TRPC5OS: variants seen among roughly 807,000 people sequenced by gnomAD.
TRPC5OS encodes the protein TRPC5 opposite strand, also known as putative uncharacterized protein TRPC5OS.
For missense variants in TRPC5OS, 64 were observed against 79.3 expected (o/e 0.81, Z 0.73); for synonymous variants, 30 against 29.3 (o/e 1.02, Z -0.08).
rs753735549 is a variant in TRPC5OS, at chrX:111,888,693, CAAAAA to C, written c.-545-7236_-545-7232del. On this transcript the variant is annotated intron_variant, in intron 1 of 3. Coordinates refer to ENST00000635763, the MANE Select transcript of TRPC5OS (RefSeq NM_001195578.2). ...TGGGTGACAGAGCGAGACTCTATCT[CAAAAA>C]AAAAAAAAAAAAAAAAAAAAAGAAA... Among the ~76,000 whole-genome samples, 6 of 10,983 alleles carry C rather than the reference CAAAAA, an allele frequency of 5.5e-4. No individual in the cohort carries two copies. In the East Asian group the frequency reaches 0.014, roughly 26 times the overall value. 9.5% of individuals were successfully genotyped at this position (10,983 alleles called of 115,157 possible). A position where few individuals can be genotyped will look rare whatever the true frequency, so the allele number is the denominator to read the frequency against.
chrX:111,901,853 G>T lies in TRPC5OS; in HGVS notation c.4G>T (p.Asp2Tyr), dbSNP rs1292087259. The change falls in exon 4 of 4, where the codon GAT becomes TAT. Residue 2 changes from aspartate (D) to tyrosine (Y), a missense_variant. Coordinates refer to ENST00000635763, the MANE Select transcript of TRPC5OS (RefSeq NM_001195578.2). M[D>Y]SVLIHVLIDG... ...CTATTTAGAAGAGCACTGCAGCATG[G>T]ATTCTGTGTTAATTCATGTACTCAT... is the stretch of plus-strand genomic sequence containing the variant. 1 of 1,129,281 alleles carries T rather than the reference G, an allele frequency of 8.9e-7. No individual in the cohort carries two copies. The highest frequency in any genetic ancestry group is 3.3e-5 in the East Asian group (1 of 30,570). 93.1% of individuals were successfully genotyped at this position (1,129,281 alleles called of 1,213,427 possible).
chrX:111,879,081 G>T (rs1202188574), intron 1 of TRPC5OS, among the ~76,000 whole-genome samples: 1 of 112,152 alleles, frequency 8.9e-6, no homozygotes. Context: ...AATAAGGGAA[G>T]TATTTATGAA....
chrX:111,888,693 C>CA (rs753735549), intron 1 of TRPC5OS, among the ~76,000 whole-genome samples: 795 of 10,722 alleles, frequency 0.074, 39 homozygotes, highest in East Asian at 0.12. Flanking sequence ...GACTCTATCT[C>CA]AAAAAAAAAA....
chrX:111,903,167 T>C lies in TRPC5OS; in HGVS notation c.*982T>C, dbSNP rs1925440373. 8.9e-6 allele frequency: 1 copy of C among 111,846 alleles called. No individual in the cohort carries two copies. Among genetic ancestry groups the C allele is most frequent in the Non-Finnish European group, 1.9e-5 (1 of 53,098 alleles). The allele number at this position is 111,846 out of a possible 1,213,427, so 9.2% of individuals were successfully genotyped here. ...GATAAGATATATTCCAGTGTTTGCT[T>C]TGATTCTGTAATTTTATGTGCTTAA... On this transcript the variant is annotated 3_prime_UTR_variant, in exon 4 of 4. Transcript: ENST00000635763.
intron 1 of TRPC5OS, among the ~76,000 whole-genome samples, chrX:111,878,115 G>T (rs965057310): frequency 1.8e-5 from 2 of 110,613 alleles, no homozygotes; most frequent in African/African-American, 3.3e-5. Context: ...TCAAACATCA[G>T]CTCAAGATCC....
rs909989859 is a variant in TRPC5OS at position 111,903,964 on chromosome X, T to C, written c.*1779T>C. 1 of 112,411 alleles carries C rather than the reference T, an allele frequency of 8.9e-6. No individual in the cohort carries two copies. Among genetic ancestry groups the C allele is most frequent in the African/African-American group, 3.2e-5 (1 of 30,983 alleles). The allele number at this position is 112,411 out of a possible 1,213,427, so 9.3% of individuals were successfully genotyped here. ...TTTTCTTTCAAGAGATTTTAACTAA[T>C]AAACTTTCATTCACAAATCAAAAAA... On this transcript the variant is annotated 3_prime_UTR_variant, in exon 4 of 4. Coordinates refer to ENST00000635763, the MANE Select transcript of TRPC5OS (RefSeq NM_001195578.2).
chrX:111,899,922 C>T (rs1368023668), intron 3 of TRPC5OS, among the ~76,000 whole-genome samples: 1 of 111,096 alleles, frequency 9.0e-6, no homozygotes, highest in Admixed American at 9.6e-5. Flanking sequence ...AAAATTGCCT[C>T]CAACAAAATC....
intron 1 of TRPC5OS, among the ~76,000 whole-genome samples, chrX:111,879,970 C>T (rs922110531): frequency 9.0e-6 from 1 of 110,983 alleles, no homozygotes; most frequent in African/African-American, 3.3e-5. Context: ...AAGGAAGAAC[C>T]GAAGACCAAA....
At chrX:111,882,037 T>C (rs1198803167) in intron 1 of TRPC5OS, 1 of 109,116 alleles carries the variant, frequency 9.2e-6, no homozygotes, top group Non-Finnish European at 1.9e-5. Context: ...AGATCTCTCT[T>C]CTAAACTGCC....
At chrX:111,889,464 A>G (rs1269231073) in intron 1 of TRPC5OS, among the ~76,000 whole-genome samples, 2 of 112,526 alleles carry the variant, frequency 1.8e-5, no homozygotes, top group Non-Finnish European at 3.8e-5. Context: ...AAGAAATCCT[A>G]TAAGGAAAAC....
intron 1 of TRPC5OS, among the ~76,000 whole-genome samples, chrX:111,888,683 G>T (rs1292662223): frequency 3.0e-5 from 2 of 66,674 alleles, no homozygotes; most frequent in Admixed American, 4.8e-4. Context: ...GACAGAGCGA[G>T]ACTCTATCTC....
At chrX:111,886,211 T>C (rs12007235) in intron 1 of TRPC5OS, among the ~76,000 whole-genome samples, 15,109 of 111,235 alleles carry the variant, frequency 0.14, 2,405 homozygotes, top group African/African-American at 0.46. Context: ...ACCCCGGAGG[T>C]GGAGGTTGCA....
chrX:111,901,767 C>G lies in TRPC5OS; in HGVS notation c.-83C>G. 1.3e-6 allele frequency: 1 copy of G among 751,520 alleles called. No homozygotes were observed. Among genetic ancestry groups the G allele is most frequent in the Non-Finnish European group, 1.8e-6 (1 of 544,980 alleles). 61.9% of individuals were successfully genotyped at this position (751,520 alleles called of 1,213,427 possible). ...AAACCAACCACAGAACCATTGTTAG[C>G]CCCTTATACTATCCATTGTCACCAA... On this transcript the variant is annotated 5_prime_UTR_variant, in exon 4 of 4. Coordinates refer to ENST00000635763, the MANE Select transcript of TRPC5OS (RefSeq NM_001195578.2).
rs888380235 is a variant in TRPC5OS at position 111,887,698 on chromosome X, C to A, written c.-545-8253C>A. Among the ~76,000 whole-genome samples the A allele has an allele frequency of 4.5e-5, 5 of 111,757 alleles. No individual in the cohort carries two copies. In the Admixed American group the frequency reaches 4.7e-4, roughly 11 times the overall value. ...GTAATTAAGATGATTAAATGGGATA[C>A]CATGTGAAAGCACTAGAAACATAAA... On this transcript the variant is annotated intron_variant, in intron 1 of 3. Coordinates refer to ENST00000635763, the MANE Select transcript of TRPC5OS (RefSeq NM_001195578.2).
chrX:111,891,412 T>G (rs1201903606), intron 1 of TRPC5OS, among the ~76,000 whole-genome samples: 1 of 112,275 alleles, frequency 8.9e-6, no homozygotes, highest in Non-Finnish European at 1.9e-5. Context: ...AGCCAAGAAA[T>G]CAGGTTCTTA....
chrX:111,880,242 A>G (rs187126412), intron 1 of TRPC5OS, among the ~76,000 whole-genome samples: 97 of 111,868 alleles, frequency 8.7e-4, no homozygotes, highest in African/African-American at 3.0e-3. Flanking sequence ...TTGTTTGTAG[A>G]ATGAGAACTC....
chrX:111,901,766 GC>G lies in TRPC5OS; in HGVS notation c.-80del. 1 of 747,456 alleles carries G rather than the reference GC, an allele frequency of 1.3e-6. No homozygotes were observed. Among genetic ancestry groups the G allele is most frequent in the Non-Finnish European group, 1.8e-6 (1 of 542,952 alleles). The allele number at this position is 747,456 out of a possible 1,213,427, so 61.6% of individuals were successfully genotyped here. ...TAAACCAACCACAGAACCATTGTTA[GC>G]CCCTTATACTATCCATTGTCACCAA... is the stretch of plus-strand genomic sequence containing the variant. On this transcript the variant is annotated 5_prime_UTR_variant, in exon 4 of 4. Transcript: ENST00000635763.
intron 1 of TRPC5OS, among the ~76,000 whole-genome samples, chrX:111,879,704 A>G (rs1011367726): frequency 8.9e-6 from 1 of 112,754 alleles, no homozygotes; most frequent in Non-Finnish European, 1.9e-5. Context: ...TGTTGTCCCC[A>G]TGACAGCCCG....
intron 1 of TRPC5OS, among the ~76,000 whole-genome samples, chrX:111,890,640 G>C (rs1330910761): frequency 1.8e-5 from 2 of 111,799 alleles, no homozygotes; most frequent in Admixed American, 9.5e-5. Context: ...GGTTCCCAGA[G>C]CATCATTAGT....
Sources: allele counts gnomAD v4.1 joint callset (sites outside exome capture counted in the v4.1 genomes callset), GRCh38; gene constraint gnomAD v4.1.1; transcripts MANE v1.5; gene names NCBI Gene and HGNC (gene_info 2026-07-23, HGNC 2026-07-21).